CCDC88C: variants seen among roughly 807,000 people sequenced by gnomAD.
CCDC88C encodes the protein coiled-coil and HOOK domain protein 88C, also known as protein Daple.
In CCDC88C, 131 loss-of-function variants were observed where a neutral mutation model predicts 198.8. That is an observed-to-expected ratio of 0.66 (90% CI 0.57 to 0.76). The LOEUF (loss-of-function observed/expected upper bound fraction) is 0.76, where lower values mean the gene tolerates loss of function less well. CCDC88C is among the 30% of genes least tolerant of loss of function. The pLI is 0.00. For synonymous variants in CCDC88C, 1,166 were observed against 1,114.7 expected (o/e 1.05, Z -0.92); for missense variants, 2,553 against 2,631.6 (o/e 0.97, Z 0.65).
In CCDC88C at chr14:91,395,288, CAG is replaced by C. The variant is rs1442321136; in HGVS notation, c.270+13369_270+13370del. Among the ~76,000 whole-genome samples the C allele has an allele frequency of 3.3e-5, 5 of 152,324 alleles. No homozygotes were observed. In the East Asian group the frequency reaches 9.6e-4, roughly 29 times the overall value. On this transcript the variant is annotated intron_variant, in intron 3 of 29. Transcript: ENST00000389857. ...TACAGGTGAACAAGTACGTCCCCTGCAGAGTCAGCCTGGGACCCAGAGCTGTC... is the reference window on the plus strand; with the variant it reads ...TACAGGTGAACAAGTACGTCCCCTGCAGTCAGCCTGGGACCCAGAGCTGTC...
intron 2 of CCDC88C, among the ~76,000 whole-genome samples, chr14:91,413,026 T>C (rs891721347): frequency 6.6e-6 from 1 of 152,190 alleles, no homozygotes; most frequent in African/African-American, 2.4e-5. Flanking sequence ...AACCTATGAA[T>C]AATTAACACA....
chr14:91,367,301 T>C (rs1049757338), intron 3 of CCDC88C, among the ~76,000 whole-genome samples: 70 of 152,106 alleles, frequency 4.6e-4, no homozygotes, highest in Non-Finnish European at 1.6e-4. Flanking sequence ...ACGCTCACGG[T>C]TGCCAAGGAG....
intron 4 of CCDC88C, among the ~76,000 whole-genome samples, chr14:91,354,636 C>T (rs1567094748): frequency 6.6e-6 from 1 of 152,134 alleles, no homozygotes; most frequent in Non-Finnish European, 1.5e-5. Context: ...AAGTGGGTAA[C>T]ACCTGTCAGG....
intron 22 of CCDC88C, among the ~76,000 whole-genome samples, chr14:91,294,549 G>C (rs1225200037): frequency 3.3e-5 from 5 of 152,262 alleles, no homozygotes; most frequent in African/African-American, 1.2e-4. Context: ...CTACTGAGCA[G>C]TAAAATGCAG....
intron 10 of CCDC88C, among the ~76,000 whole-genome samples, chr14:91,331,115 T>TGGGGGGGGGGGGGGGGGGG (rs1298066343): frequency 1.5e-4 from 5 of 33,106 alleles, no homozygotes; most frequent in African/African-American, 2.9e-4. Flanking sequence ...GGGGCGGGGG[T>TGGGGGGGGGGGGGGGGGGG]GGGGGGAGCG....
At chr14:91,278,828 C>A (rs2139720364) in intron 28 of CCDC88C, among the ~76,000 whole-genome samples, 1 of 151,432 alleles carries the variant, frequency 6.6e-6, no homozygotes, top group African/African-American at 2.4e-5. Context: ...CATTTGAAAC[C>A]CCTAGTCATG....
At chr14:91,326,214 C>T (rs1230658987) in intron 10 of CCDC88C, among the ~76,000 whole-genome samples, 158 bp from the exon 11 acceptor site, 1 of 151,248 alleles carries the variant, frequency 6.6e-6, no homozygotes, top group African/African-American at 2.4e-5. Flanking sequence ...TTTTTTTTAT[C>T]ATCTTCACCT....
rs1340754129 is a variant in CCDC88C at position 91,325,490 on chromosome 14, A to G, written c.1197+420T>C. On this transcript the variant is annotated intron_variant, in intron 11 of 29. Coordinates refer to ENST00000389857, the MANE Select transcript of CCDC88C (RefSeq NM_001080414.4). The surrounding 1 kb of genome is among the most constrained non-coding windows in gnomAD (Gnocchi z 4.1). ...ATTCGTGGTAGCAGTGGCAGCAGCA[A>G]CGGCAGTAGCAGCAACAAACCCAGT... Among the ~76,000 whole-genome samples the G allele has an allele frequency of 6.6e-6, 1 of 152,226 alleles. No homozygotes were observed. The highest frequency in any genetic ancestry group is 6.5e-5 in the Admixed American group (1 of 15,284).
At chr14:91,297,145 C>A (rs1891042200) in intron 22 of CCDC88C, among the ~76,000 whole-genome samples, 160 bp downstream of exon 22, 1 of 152,260 alleles carries the variant, frequency 6.6e-6, no homozygotes, top group Non-Finnish European at 1.5e-5. Context: ...TGACCCCCGT[C>A]AGCACCTCTG....
chr14:91,299,714 A>G (rs1212039542), intron 21 of CCDC88C, among the ~76,000 whole-genome samples: 1 of 152,212 alleles, frequency 6.6e-6, no homozygotes, highest in Non-Finnish European at 1.5e-5. Context: ...AACTCAGACG[A>G]CGCGCCATCC....
chr14:91,295,861 T>C (rs112001019), intron 22 of CCDC88C, among the ~76,000 whole-genome samples: 8,214 of 152,210 alleles, frequency 0.054, 287 homozygotes, highest in Middle Eastern at 0.14. Context: ...TAAGTTAAAA[T>C]GAGGCTGCCA....
chr14:91,340,621 C>T (rs191823581), intron 6 of CCDC88C, among the ~76,000 whole-genome samples: 2 of 152,216 alleles, frequency 1.3e-5, no homozygotes, highest in South Asian at 2.1e-4. Flanking sequence ...CGCACACCCC[C>T]GGATCTGCCA....
chr14:91,339,519 G>A lies in CCDC88C; in HGVS notation c.625-57C>T, dbSNP rs568777767. ...AACAAACGGGGTTAACCAGCACAAC[G>A]CCTGAGCTTGAACAGGGTGAAGAAA... is the stretch of plus-strand genomic sequence containing the variant. On this transcript the variant is annotated intron_variant, in intron 7 of 29. Transcript: ENST00000389857. This position sits in a 1 kb window ranked among gnomAD's most constrained non-coding sequence, Gnocchi z 5.8. 2.0e-6 allele frequency: 3 copies of A among 1,499,988 alleles called. No individual in the cohort carries two copies. Among genetic ancestry groups the A allele is most frequent in the East Asian group, 4.7e-5 (2 of 42,358 alleles). The allele number at this position is 1,499,988 out of a possible 1,614,324, so 92.9% of individuals were successfully genotyped here. A position where few individuals can be genotyped will look rare whatever the true frequency, so the allele number is the denominator to read the frequency against.
intron 10 of CCDC88C, 62 bp downstream of exon 10, chr14:91,337,943 G>A (rs1244385393): frequency 3.6e-5 from 58 of 1,589,046 alleles, no homozygotes; most frequent in Non-Finnish European, 4.9e-5. Context: ...AGGTCAGTCT[G>A]AATGTGCTTC....
At chr14:91,391,605 C>T (rs1050049831) in intron 3 of CCDC88C, among the ~76,000 whole-genome samples, 111 of 152,208 alleles carry the variant, frequency 7.3e-4, no homozygotes, top group Middle Eastern at 3.4e-3. Flanking sequence ...ATGGTGAAAC[C>T]CCGTCTCTAC....
At chr14:91,345,181 TATATATATA>T (rs1357617893) in intron 4 of CCDC88C, among the ~76,000 whole-genome samples, 1 of 70,824 alleles carries the variant, frequency 1.4e-5, no homozygotes, top group East Asian at 3.2e-4. Context: ...TATATATATA[TATATATATA>T]TTTTTTTTTT....
chr14:91,310,398 A>G (rs1364042869), intron 15 of CCDC88C, among the ~76,000 whole-genome samples: 1 of 152,136 alleles, frequency 6.6e-6, no homozygotes. Context: ...ATTTTATTTT[A>G]AACCCTGGAT....
chr14:91,404,812 A>G (rs1472284624), intron 3 of CCDC88C, among the ~76,000 whole-genome samples: 1 of 152,032 alleles, frequency 6.6e-6, no homozygotes, highest in East Asian at 1.9e-4. Flanking sequence ...AAATACAAAA[A>G]AAATTAGCCA....
intron 19 of CCDC88C, among the ~76,000 whole-genome samples, chr14:91,304,832 T>C (rs1407043335): frequency 1.3e-5 from 2 of 152,212 alleles, no homozygotes; most frequent in Non-Finnish European, 2.9e-5. Flanking sequence ...AAATTCAAAA[T>C]AGTAAGTCAA....
Sources: allele counts gnomAD v4.1 joint callset (sites outside exome capture counted in the v4.1 genomes callset), GRCh38; gene constraint gnomAD v4.1.1; non-coding constraint Gnocchi (gnomAD v3.1); transcripts MANE v1.5; gene names NCBI Gene and HGNC (gene_info 2026-07-23, HGNC 2026-07-21).